Variants in ARHGEF3 observed in about 807,000 individuals in gnomAD.
The protein encoded by ARHGEF3 is Rho guanine nucleotide exchange factor 3, also known as 59.8 kDA protein.
ARHGEF3 carries 28 observed loss-of-function variants against 63.2 expected under a neutral mutation model. The observed-to-expected ratio is 0.44, with a 90% CI of 0.33 to 0.61. ARHGEF3 has a LOEUF of 0.61. Among genes scored for constraint, ARHGEF3 ranks in the 20% least tolerant of loss-of-function variants. The probability of loss-of-function intolerance (pLI) is 0.03; values close to 1 mark genes in which losing one functional copy is unlikely to be tolerated. For synonymous variants in ARHGEF3, 266 were observed against 254.2 expected (o/e 1.05, Z -0.44); for missense variants, 533 against 659.3 (o/e 0.81, Z 2.10).
intron 7 of ARHGEF3, among the ~76,000 whole-genome samples, chr3:56,744,604 C>T (rs936248559): frequency 2.0e-5 from 3 of 151,190 alleles, no homozygotes; most frequent in African/African-American, 7.3e-5. Context: ...CAGGGTTTTG[C>T]TTTTTTGGCC....
At chr3:56,889,990 A>AGCT (rs201464981) in intron 3 of ARHGEF3, among the ~76,000 whole-genome samples, 6,287 of 152,266 alleles carry the variant, frequency 0.041, 159 homozygotes, top group South Asian at 0.14. Flanking sequence ...GGAACCCAGG[A>AGCT]GGCAGAGGCT....
At chr3:57,054,459 A>C (rs980301610) in intron 1 of ARHGEF3, among the ~76,000 whole-genome samples, 1 of 147,682 alleles carries the variant, frequency 6.8e-6, no homozygotes, top group African/African-American at 2.5e-5. Flanking sequence ...GTGAAACCCT[A>C]TCTCTACAAA....
chr3:56,836,849 C>A (rs561119626), intron 4 of ARHGEF3, among the ~76,000 whole-genome samples: 2 of 152,210 alleles, frequency 1.3e-5, no homozygotes, highest in South Asian at 4.2e-4. Context: ...ATCACCTGAG[C>A]CTGAGAGGTC....
At chr3:56,979,985 A>G (rs1260097130) in intron 2 of ARHGEF3, among the ~76,000 whole-genome samples, 1 of 152,114 alleles carries the variant, frequency 6.6e-6, no homozygotes, top group Non-Finnish European at 1.5e-5. Context: ...CACATCGACC[A>G]CTCACTTGCC....
chr3:56,751,856 G>A lies in ARHGEF3; in HGVS notation c.439-460C>T, dbSNP rs752294757. 1.7e-3 allele frequency among the ~76,000 whole-genome samples: 254 copies of A among 152,216 alleles called. 1 individual carries two copies. Among genetic ancestry groups the A allele is most frequent in the Non-Finnish European group, 1.0e-3 (70 of 68,004 alleles). ...TTTACTACTGATTTGAACAAAGAGA[G>A]CAAAGGTGATAATCCTATCACCTCT... On this transcript the variant is annotated intron_variant, in intron 4 of 9. Coordinates refer to ENST00000296315, the MANE Select transcript of ARHGEF3 (RefSeq NM_019555.3).
chr3:56,864,675 T>C (rs756211104), intron 4 of ARHGEF3, among the ~76,000 whole-genome samples: 3 of 152,088 alleles, frequency 2.0e-5, no homozygotes, highest in Non-Finnish European at 4.4e-5. Context: ...TCAATGTGAA[T>C]ATCAATGAAA....
At chr3:56,975,772 G>C (rs750982783) in intron 2 of ARHGEF3, 4 of 426,670 alleles carry the variant, frequency 9.4e-6, no homozygotes, top group South Asian at 6.9e-5. Context: ...TATGTACCAG[G>C]CGCAGAGCCA....
At chr3:56,829,177 C>T (rs1578622157) in intron 4 of ARHGEF3, among the ~76,000 whole-genome samples, 1 of 152,106 alleles carries the variant, frequency 6.6e-6, no homozygotes, top group Admixed American at 6.6e-5. Context: ...CTTCCCACCT[C>T]GGCCTCCCAA....
chr3:56,957,803 G>A (rs912835658), intron 3 of ARHGEF3, among the ~76,000 whole-genome samples: 2 of 152,188 alleles, frequency 1.3e-5, no homozygotes, highest in African/African-American at 4.8e-5. Flanking sequence ...GAAGGAACAT[G>A]TGCAAAGGCC....
chr3:56,775,280 A>G (rs1223398684), intron 1 of ARHGEF3: 1 of 1,251,986 alleles, frequency 8.0e-7, no homozygotes, highest in African/African-American at 1.6e-5. Flanking sequence ...CTGCTGAGAC[A>G]CTCTCATGTC....
At chr3:56,920,803 A>C (rs991086451) in intron 3 of ARHGEF3, among the ~76,000 whole-genome samples, 1 of 152,218 alleles carries the variant, frequency 6.6e-6, no homozygotes, top group East Asian at 1.9e-4. Context: ...CTGTAATCCC[A>C]GCACTTTGGG....
At chr3:56,841,201 T>C (rs1351669101) in intron 4 of ARHGEF3, among the ~76,000 whole-genome samples, 4 of 152,172 alleles carry the variant, frequency 2.6e-5, no homozygotes, top group Admixed American at 6.5e-5. Flanking sequence ...AAGAGTGAGA[T>C]GAAAAATTAA....
intron 2 of ARHGEF3, among the ~76,000 whole-genome samples, chr3:57,033,689 G>C (rs1467574202): frequency 6.6e-6 from 1 of 152,056 alleles, no homozygotes; most frequent in Non-Finnish European, 1.5e-5. Context: ...ATGAAAATGG[G>C]AGTCAATGGG....
At chr3:56,959,175 A>G (rs4458343) in intron 2 of ARHGEF3, among the ~76,000 whole-genome samples, 17,540 of 152,230 alleles carry the variant, frequency 0.12, 1,269 homozygotes, top group East Asian at 0.25. Flanking sequence ...AAGTCAGACC[A>G]GACTCCCAAT....
chr3:56,796,841 A>G (rs2037395031), intron 1 of ARHGEF3, among the ~76,000 whole-genome samples: 1 of 152,170 alleles, frequency 6.6e-6, no homozygotes, highest in Non-Finnish European at 1.5e-5. Flanking sequence ...TTCTTCTTCT[A>G]CAAAACAGGG....
chr3:56,833,913 TG>T (rs67461763), intron 4 of ARHGEF3, among the ~76,000 whole-genome samples: 21,360 of 123,966 alleles, frequency 0.17, 1,530 homozygotes, highest in South Asian at 0.22. Context: ...CAATATTCTT[TG>T]TTTTCCCCCC....
chr3:56,944,568 C>CTTGTTTTTTTTT (rs1699369227), intron 3 of ARHGEF3, among the ~76,000 whole-genome samples: 1 of 65,830 alleles, frequency 1.5e-5, no homozygotes, highest in Admixed American at 2.4e-4. Context: ...AAAGTGGTTT[C>CTTGTTTTTTTTT]TTTTTTTTTT....
intron 2 of ARHGEF3, among the ~76,000 whole-genome samples, chr3:56,981,293 G>A (rs34032275): frequency 0.2 from 30,403 of 152,208 alleles, 3,407 homozygotes; most frequent in Middle Eastern, 0.37. Flanking sequence ...ACTGGAAGAT[G>A]AGGCCAGGGT....
chr3:56,929,712 A>C (rs893987530), intron 3 of ARHGEF3, among the ~76,000 whole-genome samples: 6 of 152,184 alleles, frequency 3.9e-5, no homozygotes, highest in African/African-American at 1.4e-4. Context: ...CAAATAAGTA[A>C]ACTCAAACAC....
Sources: allele counts gnomAD v4.1 joint callset (sites outside exome capture counted in the v4.1 genomes callset), GRCh38; gene constraint gnomAD v4.1.1; transcripts MANE v1.5; gene names NCBI Gene and HGNC (gene_info 2026-07-23, HGNC 2026-07-21).